The following FANCI variants were observed in gnomAD, a reference collection of about 807,000 sequenced individuals.
FANCI encodes the protein Fanconi anemia group I protein.
A neutral mutation model predicts 176.1 loss-of-function variants in FANCI; 156 were observed. That is an observed-to-expected ratio of 0.89 (90% CI 0.78 to 1.01). The LOEUF is 1.01. Among genes scored for constraint, FANCI ranks in the 50% least tolerant of loss-of-function variants. The probability of loss-of-function intolerance (pLI) is 0.00; values close to 1 mark genes in which losing one functional copy is unlikely to be tolerated. For missense variants in FANCI, 1,678 were observed against 1,534.1 expected (o/e 1.09, Z -1.57); for synonymous variants, 613 against 541.7 (o/e 1.13, Z -1.83).
chr15:89,282,107 A>C, intron 16 of FANCI: 1 of 422,556 alleles, frequency 2.4e-6, no homozygotes, highest in South Asian at 2.2e-5. Context: ...ACTTTCCAAA[A>C]GTAAAACAGT....
At chr15:89,253,493 A>G (rs1243318074) in intron 2 of FANCI, among the ~76,000 whole-genome samples, 1 of 151,918 alleles carries the variant, frequency 6.6e-6, no homozygotes, top group Non-Finnish European at 1.5e-5. Flanking sequence ...AACGGGTGAA[A>G]GTGAGACTCT....
intron 6 of FANCI, among the ~76,000 whole-genome samples, chr15:89,262,852 T>A (rs1407950969): frequency 6.6e-6 from 1 of 152,246 alleles, no homozygotes; most frequent in African/African-American, 2.4e-5. Flanking sequence ...ATTATTTGGT[T>A]ATTTCCAGTT....
intron 10 of FANCI, among the ~76,000 whole-genome samples, chr15:89,271,811 T>C (rs2053209827): frequency 6.6e-6 from 1 of 152,196 alleles, no homozygotes; most frequent in Non-Finnish European, 1.5e-5. Flanking sequence ...TGAATAGTAT[T>C]CCATTGTGTG....
chr15:89,274,406 T>C, intron 12 of FANCI, 102 bp downstream of exon 12: 1 of 1,318,286 alleles, frequency 7.6e-7, no homozygotes, highest in Non-Finnish European at 1.1e-6. Context: ...ACTGATGACT[T>C]AACAGCTGTT....
At chr15:89,304,575 C>G (rs1374915694) in intron 28 of FANCI, among the ~76,000 whole-genome samples, 1 of 152,154 alleles carries the variant, frequency 6.6e-6, no homozygotes, top group Admixed American at 6.5e-5. Context: ...ACACAGTAAT[C>G]TTAACTAATG....
At chr15:89,297,813 TG>T (rs1195346871) in intron 24 of FANCI, among the ~76,000 whole-genome samples, 48 of 148,522 alleles carry the variant, frequency 3.2e-4, no homozygotes, top group African/African-American at 1.2e-3. Context: ...TTTTTGTTTT[TG>T]TTTTTTTTTC....
chr15:89,264,623 T>G lies in FANCI; in HGVS notation c.755+16T>G. The G allele has an allele frequency of 6.2e-7, 1 of 1,600,622 alleles. No homozygotes were observed. Among genetic ancestry groups the G allele is most frequent in the South Asian group, 1.1e-5 (1 of 90,722 alleles). The stretch of plus-strand genomic sequence containing the variant: ...GTGGTGACGAGTGAGTAATATAGTG[T>G]AGAAATAAAGATCATTTTTACAAAT... On this transcript the variant is annotated intron_variant, in intron 9 of 37. Coordinates refer to ENST00000310775, the MANE Select transcript of FANCI (RefSeq NM_001113378.2).
chr15:89,284,701 T>C (rs1334469963), intron 17 of FANCI, among the ~76,000 whole-genome samples: 1 of 152,246 alleles, frequency 6.6e-6, no homozygotes, highest in Non-Finnish European at 1.5e-5. Flanking sequence ...AAGACTGTCT[T>C]CCTCTCAACC....
chr15:89,266,324 G>T (rs550682139), intron 9 of FANCI, among the ~76,000 whole-genome samples: 1 of 149,750 alleles, frequency 6.7e-6, no homozygotes, highest in Non-Finnish European at 1.5e-5. Flanking sequence ...ACTATGCCTG[G>T]CTAATTTTTT....
At chr15:89,286,289 GGC>G (rs2053814630) in intron 18 of FANCI, among the ~76,000 whole-genome samples, 1 of 152,128 alleles carries the variant, frequency 6.6e-6, no homozygotes, top group African/African-American at 2.4e-5. Context: ...CACCATGCCT[GGC>G]CTAACTTAGT....
Position 89,273,415 on chromosome 15 carries a change from C to T in FANCI, c.921C>T (p.Pro307=). The change falls in exon 11 of 38, where the codon CCC becomes CCT. Residue 307 remains proline (P), a synonymous_variant. Transcript: ENST00000310775. ...GAGATTCCAATAATAACTTAAGTCC[C>T]TTCAGCATTGCTCTTCTTCTGTCTG... ...QQGDSNNNLS[P]FSIALLLSVT... 1 of 1,609,030 alleles carries T rather than the reference C, an allele frequency of 6.2e-7. No homozygotes were observed. Among genetic ancestry groups the T allele is most frequent in the Non-Finnish European group, 8.5e-7 (1 of 1,177,332 alleles).
chr15:89,313,167 G>C (rs950368387), intron 35 of FANCI, among the ~76,000 whole-genome samples, 195 bp downstream of exon 35: 1 of 151,848 alleles, frequency 6.6e-6, no homozygotes, highest in African/African-American at 2.4e-5. Flanking sequence ...GGGAGACTGG[G>C]GTGACAGCTA....
intron 35 of FANCI, among the ~76,000 whole-genome samples, chr15:89,313,873 T>C (rs1477529698): frequency 6.7e-6 from 1 of 150,152 alleles, no homozygotes; most frequent in Admixed American, 6.7e-5. Flanking sequence ...TAAAAAAAAT[T>C]TGTACAGTAT....
chr15:89,292,610 T>G, intron 20 of FANCI, 78 bp from the exon 21 acceptor site: 1 of 1,389,144 alleles, frequency 7.2e-7, no homozygotes, highest in Non-Finnish European at 1.0e-6. Context: ...AGATAAGAAT[T>G]ATTTGCTGGT....
chr15:89,247,832 C>G (rs2052056595), intron 2 of FANCI, 101 bp downstream of exon 2: 2 of 885,918 alleles, frequency 2.3e-6, no homozygotes, highest in Non-Finnish European at 3.8e-6. Context: ...TCTTCATCTA[C>G]TCCCCATTCA....
chr15:89,251,419 T>G (rs2052244517), intron 2 of FANCI, among the ~76,000 whole-genome samples: 1 of 152,174 alleles, frequency 6.6e-6, no homozygotes, highest in Non-Finnish European at 1.5e-5. Context: ...CATAAATTGT[T>G]TTAGAGCATA....
chr15:89,291,805 C>T (rs2054080767), intron 20 of FANCI, 91 bp downstream of exon 20: 4 of 942,612 alleles, frequency 4.2e-6, no homozygotes, highest in Non-Finnish European at 6.9e-6. Flanking sequence ...GTGAAACTCT[C>T]TTCCTGGTTC....
At chr15:89,307,837 G>A in intron 34 of FANCI, 165 bp downstream of exon 34, 3 of 1,498,936 alleles carry the variant, frequency 2.0e-6, no homozygotes, top group Non-Finnish European at 2.7e-6. Context: ...GGGCTTTGCA[G>A]CAAGGACATC....
chr15:89,265,549 G>T (rs182171351), intron 9 of FANCI, among the ~76,000 whole-genome samples: 226 of 148,378 alleles, frequency 1.5e-3, no homozygotes, highest in African/African-American at 5.4e-3. Context: ...TTTGAGATGG[G>T]GTCTCACTCT....
Sources: gnomAD v4.1 joint callset for allele counts (sites outside exome capture counted in the v4.1 genomes callset) on GRCh38, gnomAD v4.1.1 for gene constraint, MANE v1.5 for transcripts, NCBI Gene and HGNC (gene_info 2026-07-23, HGNC 2026-07-21) for gene names.